Variants in HOGA1 observed in about 807,000 individuals in gnomAD.
The protein encoded by HOGA1 is 4-hydroxy-2-oxoglutarate aldolase 1.
HOGA1 carries 30 observed loss-of-function variants against 34.3 expected under a neutral mutation model. That is an observed-to-expected ratio of 0.87 (90% CI 0.65 to 1.19). The LOEUF (loss-of-function observed/expected upper bound fraction) is 1.19, where lower values mean the gene tolerates loss of function less well. HOGA1 is among the 50% of genes most tolerant of loss of function. The probability of loss-of-function intolerance (pLI) is 0.00; values close to 1 mark genes in which losing one functional copy is unlikely to be tolerated. For synonymous variants in HOGA1, 161 were observed against 174.0 expected (o/e 0.93, Z 0.59); for missense variants, 417 against 436.5 (o/e 0.96, Z 0.40).
At chr10:97,601,467 G>C (rs1212425022) in intron 5 of HOGA1, among the ~76,000 whole-genome samples, 1 of 152,158 alleles carries the variant, frequency 6.6e-6, no homozygotes, top group Non-Finnish European at 1.5e-5. Context: ...AAGAGCAAAG[G>C]CTTCCCATCC....
intron 3 of HOGA1, 145 bp from the exon 4 acceptor site, chr10:97,599,535 C>T (rs1323944299): frequency 3.9e-6 from 4 of 1,031,502 alleles, no homozygotes; most frequent in African/African-American, 1.6e-5. Context: ...TGATTGCTTA[C>T]ACTCGGGGCA....
chr10:97,600,225 C>A, intron 5 of HOGA1, 62 bp downstream of exon 5: 1 of 1,348,946 alleles, frequency 7.4e-7, no homozygotes, highest in Non-Finnish European at 1.1e-6. Flanking sequence ...GTACCTGGGT[C>A]TTCCGGGAGA....
intron 6 of HOGA1, among the ~76,000 whole-genome samples, chr10:97,610,976 A>G (rs2041191053): frequency 6.6e-6 from 1 of 152,182 alleles, no homozygotes; most frequent in South Asian, 2.1e-4. Context: ...CTTCCTTGGG[A>G]AATGATGCTT....
rs577296518 is a variant in HOGA1, at chr10:97,608,775, C to A, written c.835-2735C>A. 1.3e-4 allele frequency among the ~76,000 whole-genome samples: 20 copies of A among 150,868 alleles called. No homozygotes were observed. In the South Asian group the frequency reaches 4.2e-3, roughly 32 times the overall value. On this transcript the variant is annotated intron_variant, in intron 6 of 6. Transcript: ENST00000370646. ...GAGCCGAGATCGTACCACTGCACTC[C>A]AGCCTGGGCGACAGAGTGGGACTGT... is the stretch of plus-strand genomic sequence containing the variant.
intron 6 of HOGA1, among the ~76,000 whole-genome samples, chr10:97,605,007 T>C (rs77293158): frequency 0.036 from 5,522 of 151,380 alleles, 318 homozygotes; most frequent in African/African-American, 0.13. Flanking sequence ...AAAGCTGCCA[T>C]GAACATTCAT....
Position 97,598,680 on chromosome 10 carries a change from T to C in HOGA1, c.212-95T>C, listed in dbSNP as rs1254088886. ...TCTGTCTGCAAAGATGGGAAGGAAA[T>C]GTGTGAAAGATTATGGTGTCGTAAG... On this transcript the variant is annotated intron_variant, in intron 1 of 6. Transcript: ENST00000370646. 3.4e-6 allele frequency: 5 copies of C among 1,462,036 alleles called. No individual in the cohort carries two copies. The African/African-American group carries it at 5.6e-5, about 16-fold the overall frequency. 90.6% of individuals were successfully genotyped at this position (1,462,036 alleles called of 1,614,324 possible).
chr10:97,598,700 C>T (rs544055876), intron 1 of HOGA1, 75 bp from the exon 2 acceptor site: 98 of 1,554,246 alleles, frequency 6.3e-5, no homozygotes, highest in Middle Eastern at 1.7e-4. Context: ...ATTATGGTGT[C>T]GTAAGGTAGG....
rs2040950294 is a variant in HOGA1, at chr10:97,584,514, C to T, written c.-190C>T. 1 of 587,312 alleles carries T rather than the reference C, an allele frequency of 1.7e-6. No individual in the cohort carries two copies. Among genetic ancestry groups the T allele is most frequent in the South Asian group, 2.3e-5 (1 of 43,674 alleles). 36.4% of individuals were successfully genotyped at this position (587,312 alleles called of 1,614,324 possible). On this transcript the variant is annotated 5_prime_UTR_variant, in exon 1 of 7. Coordinates refer to ENST00000370646, the MANE Select transcript of HOGA1 (RefSeq NM_138413.4). ...TAGCTGCTACCCAGAAGGAACAGGG[C>T]CCCCTGGGGCCTATAGGCCTTGCCC...
At chr10:97,598,157 G>GT (rs1464394176) in intron 1 of HOGA1, among the ~76,000 whole-genome samples, 1 of 152,134 alleles carries the variant, frequency 6.6e-6, no homozygotes, top group Admixed American at 6.5e-5. Flanking sequence ...GTAGAGACAG[G>GT]TAGGCCATTT....
chr10:97,600,044 T>A (rs1198503737), intron 4 of HOGA1, 23 bp from the exon 5 acceptor site: 2 of 1,609,680 alleles, frequency 1.2e-6, no homozygotes, highest in Admixed American at 1.7e-5. Context: ...GGCACAGCTC[T>A]CACACCACAT....
intron 6 of HOGA1, chr10:97,602,665 TTCTCTTTC>T (rs1476511586): frequency 1.3e-6 from 1 of 779,846 alleles, no homozygotes; most frequent in African/African-American, 2.1e-5. Context: ...CTGTCTTTCT[TTCTCTTTC>T]TCTCTTTCTT....
intron 6 of HOGA1, among the ~76,000 whole-genome samples, chr10:97,608,412 G>A (rs1433321596): frequency 6.6e-6 from 1 of 152,172 alleles, no homozygotes; most frequent in African/African-American, 2.4e-5. Context: ...TCTATATGGT[G>A]GGGCACAGCT....
intron 1 of HOGA1, chr10:97,590,325 AC>A: frequency 6.2e-7 from 1 of 1,613,694 alleles, no homozygotes; most frequent in Non-Finnish European, 8.5e-7. Flanking sequence ...CACCTGGCTC[AC>A]TCCATGCTGC....
chr10:97,593,085 G>A (rs541070588), intron 1 of HOGA1, among the ~76,000 whole-genome samples: 160 of 147,892 alleles, frequency 1.1e-3, no homozygotes, highest in African/African-American at 3.9e-3. Context: ...TTAAGACTAC[G>A]TAAAGACAAA....
chr10:97,599,272 G>C, intron 3 of HOGA1, 56 bp downstream of exon 3: 1 of 1,605,650 alleles, frequency 6.2e-7, no homozygotes, highest in Non-Finnish European at 8.5e-7. Flanking sequence ...GGAGATAAGG[G>C]AAGCTGGGAA....
chr10:97,601,317 C>T (rs1214524245), intron 5 of HOGA1, among the ~76,000 whole-genome samples: 1 of 152,120 alleles, frequency 6.6e-6, no homozygotes, highest in Non-Finnish European at 1.5e-5. Context: ...CCCCGATGGG[C>T]ACAAAGAGGA....
At chr10:97,590,004 A>T (rs1409411529) in intron 1 of HOGA1, 2 of 1,614,176 alleles carry the variant, frequency 1.2e-6, no homozygotes, top group Admixed American at 3.3e-5. Flanking sequence ...AGCTGGATTA[A>T]ATCCCACTTT....
intron 3 of HOGA1, 160 bp downstream of exon 3, chr10:97,599,376 T>A (rs2041098191): frequency 1.2e-6 from 1 of 819,238 alleles, no homozygotes. Flanking sequence ...ACCTGACCAC[T>A]CTGTGTTACT....
Position 97,584,771 on chromosome 10 carries a change from G to C in HOGA1, c.68G>C (p.Gly23Ala). Residue 23 changes from glycine (G) to alanine (A), a missense_variant, in exon 1 of 7, where the codon GGG becomes GCG. Physicochemically the swap from Gly to Ala is moderately conservative, Grantham distance 60. Transcript: ENST00000370646. ...GLSRSLSRNV[G>A]VWASGEGKKV... is the part of the protein sequence containing the mutation. ...AGCAGGAGCTTGTCCAGGAATGTGGGGGTCTGGGCCTCAGGGGAGGGGAAG... is the reference window on the plus strand; with the variant it reads ...AGCAGGAGCTTGTCCAGGAATGTGGCGGTCTGGGCCTCAGGGGAGGGGAAG... 6.2e-7 allele frequency: 1 copy of C among 1,613,688 alleles called. No individual in the cohort carries two copies. The highest frequency in any genetic ancestry group is 1.1e-5 in the South Asian group (1 of 90,982).
Sources: allele counts gnomAD v4.1 joint callset (sites outside exome capture counted in the v4.1 genomes callset), GRCh38; gene constraint gnomAD v4.1.1; transcripts MANE v1.5; gene names NCBI Gene and HGNC (gene_info 2026-07-23, HGNC 2026-07-21).